Variants in SLC49A4 observed in about 807,000 individuals in gnomAD.
The protein encoded by SLC49A4 is solute carrier family 49 member 4.
A neutral mutation model predicts 50.6 loss-of-function variants in SLC49A4; 36 were observed. The observed-to-expected ratio is 0.71, with a 90% CI of 0.55 to 0.94. The LOEUF (loss-of-function observed/expected upper bound fraction) is 0.94, where lower values mean the gene tolerates loss of function less well. Among genes scored for constraint, SLC49A4 ranks in the 40% least tolerant of loss-of-function variants. The pLI is 0.00. For synonymous variants in SLC49A4, 248 were observed against 241.2 expected, an observed-to-expected ratio of 1.03 and a Z score of -0.26; for missense variants, 503 against 605.7, an observed-to-expected ratio of 0.83 and a Z score of 1.78.
intron 2 of SLC49A4, among the ~76,000 whole-genome samples, chr3:122,813,990 A>C (rs1345489338): frequency 6.6e-6 from 1 of 152,176 alleles, no homozygotes; most frequent in Admixed American, 6.5e-5. Context: ...GCATAAAAAC[A>C]ATGAAAGTGG....
chr3:122,849,150 G>A (rs1025875503), intron 5 of SLC49A4, among the ~76,000 whole-genome samples: 1 of 151,966 alleles, frequency 6.6e-6, no homozygotes, highest in Non-Finnish European at 1.5e-5. Flanking sequence ...ATTCTTTTTT[G>A]TGACTGAATA....
At chr3:122,829,733 C>CAAAA (rs1936584318) in intron 3 of SLC49A4, among the ~76,000 whole-genome samples, 1 of 152,048 alleles carries the variant, frequency 6.6e-6, no homozygotes, top group Admixed American at 6.5e-5. Flanking sequence ...GCCTGGGTGA[C>CAAAA]AAACAAACAA....
chr3:122,805,037 ATGG>A (rs1936194816), intron 1 of SLC49A4, among the ~76,000 whole-genome samples: 1 of 152,080 alleles, frequency 6.6e-6, no homozygotes, highest in African/African-American at 2.4e-5. Flanking sequence ...ATGTAAGCCT[ATGG>A]TCCCCAACCT....
rs147921390 is a variant in SLC49A4 at position 122,799,525 on chromosome 3, G to A, written c.343+3990G>A. ...GGTAGGAAATGAGGTCAGAGAGGTG[G>A]TGAGAGGCCAGGAGATACAGGGCCC... On this transcript the variant is annotated intron_variant, in intron 1 of 8. Coordinates refer to ENST00000261038, the MANE Select transcript of SLC49A4 (RefSeq NM_032839.3). Among the ~76,000 whole-genome samples, 809 of 152,330 alleles carry A rather than the reference G, an allele frequency of 5.3e-3. 9 individuals are homozygous for A. The highest frequency in any genetic ancestry group is 0.019 in the African/African-American group (773 of 41,564).
At chr3:122,867,567 T>C (rs527866527) in intron 7 of SLC49A4, among the ~76,000 whole-genome samples, 1 of 152,364 alleles carries the variant, frequency 6.6e-6, no homozygotes, top group African/African-American at 2.4e-5. Flanking sequence ...ATTATAAAGT[T>C]GTAATTGTTA....
chr3:122,841,990 T>C lies in SLC49A4; in HGVS notation c.834-3773T>C, dbSNP rs373173404. ...TGATTAGTGGCACACATTTGTAAGATGACAGTTTAAAATGATCGTTTTTTA... is the reference window on the plus strand; with the variant it reads ...TGATTAGTGGCACACATTTGTAAGACGACAGTTTAAAATGATCGTTTTTTA... On this transcript the variant is annotated intron_variant, in intron 4 of 8. Coordinates refer to ENST00000261038, the MANE Select transcript of SLC49A4 (RefSeq NM_032839.3). 7.2e-5 allele frequency among the ~76,000 whole-genome samples: 11 copies of C among 152,212 alleles called. No individual in the cohort carries two copies. The East Asian group carries it at 7.7e-4, about 11-fold the overall frequency.
At chr3:122,828,581 GC>G (rs1276732840) in intron 3 of SLC49A4, among the ~76,000 whole-genome samples, 1 of 152,174 alleles carries the variant, frequency 6.6e-6, no homozygotes, top group Non-Finnish European at 1.5e-5. Flanking sequence ...TTCTAAGCAG[GC>G]CTGAAGGGTT....
rs1451224843 is a variant in SLC49A4 at position 122,837,703 on chromosome 3, T to G, written c.833+4257T>G. Among the ~76,000 whole-genome samples the G allele has an allele frequency of 5.9e-5, 9 of 152,058 alleles. No homozygotes were observed. The East Asian group carries it at 1.4e-3, about 23-fold the overall frequency. ...AAGCAATGGCAACAAAAGCCAAAATTGACAAATGGGATCTAATTAAACTAA... is the reference window on the plus strand; with the variant it reads ...AAGCAATGGCAACAAAAGCCAAAATGGACAAATGGGATCTAATTAAACTAA... On this transcript the variant is annotated intron_variant, in intron 4 of 8. Transcript: ENST00000261038.
At chr3:122,827,527 C>T (rs1484829765) in intron 3 of SLC49A4, among the ~76,000 whole-genome samples, 2 of 152,184 alleles carry the variant, frequency 1.3e-5, no homozygotes, top group Non-Finnish European at 2.9e-5. Flanking sequence ...ATCCTCATTT[C>T]CTACTCTCTG....
intron 2 of SLC49A4, among the ~76,000 whole-genome samples, chr3:122,821,342 A>G (rs1010489678): frequency 6.6e-6 from 1 of 152,078 alleles, no homozygotes; most frequent in South Asian, 2.1e-4. Flanking sequence ...GGTAAGGAGG[A>G]AAAAAAGGGA....
intron 7 of SLC49A4, among the ~76,000 whole-genome samples, chr3:122,862,672 G>A (rs1937071456): frequency 6.6e-6 from 1 of 152,066 alleles, no homozygotes; most frequent in Admixed American, 6.6e-5. Flanking sequence ...TAGCATCTGT[G>A]GGATTTTACA....
intron 4 of SLC49A4, among the ~76,000 whole-genome samples, chr3:122,844,121 A>G (rs558295216): frequency 6.6e-6 from 1 of 152,346 alleles, no homozygotes; most frequent in African/African-American, 2.4e-5. Flanking sequence ...AAATAGTCTA[A>G]GCTTAATTTG....
At chr3:122,866,913 G>A (rs1329438537) in intron 7 of SLC49A4, among the ~76,000 whole-genome samples, 1 of 150,600 alleles carries the variant, frequency 6.6e-6, no homozygotes, top group Non-Finnish European at 1.5e-5. Context: ...TTTTTTTTTT[G>A]GAGAGAGAAA....
chr3:122,859,190 T>C (rs1290766347), intron 6 of SLC49A4, among the ~76,000 whole-genome samples: 1 of 152,076 alleles, frequency 6.6e-6, no homozygotes, highest in African/African-American at 2.4e-5. Flanking sequence ...ACCTGAGGGG[T>C]AAACAGGAGT....
At chr3:122,851,456 T>C (rs1936924120) in intron 5 of SLC49A4, among the ~76,000 whole-genome samples, 1 of 152,160 alleles carries the variant, frequency 6.6e-6, no homozygotes, top group South Asian at 2.1e-4. Context: ...AGTCATTTTC[T>C]TTTGGTTCTT....
rs1936540208 is a variant in SLC49A4, at chr3:122,827,016, G to C, written c.654G>C (p.Glu218Asp). 1 of 1,614,128 alleles carries C rather than the reference G, an allele frequency of 6.2e-7. No individual in the cohort carries two copies. The highest frequency in any genetic ancestry group is 1.1e-5 in the South Asian group (1 of 91,086). ...GGACATCACCTCTTCTTGCTGCAGA[G>C]AGCAGCAGGGCGCATATTAAAGATC... ...PNGTSPLLAAESSRAHIKDRI... is the reference protein window; with the variant it reads ...PNGTSPLLAADSSRAHIKDRI... The change falls in exon 3 of 9, where the codon GAG becomes GAC. Residue 218 changes from glutamate to aspartate, a missense_variant. Physicochemically the swap from Glu to Asp is conservative, Grantham distance 45. Transcript: ENST00000261038.
intron 2 of SLC49A4, among the ~76,000 whole-genome samples, chr3:122,809,401 C>A (rs762517119): frequency 7.9e-5 from 12 of 152,048 alleles, no homozygotes; most frequent in Non-Finnish European, 1.6e-4. Flanking sequence ...TTCATGTAAG[C>A]TTAAATTCAA....
At chr3:122,812,295 T>G (rs1936310415) in intron 2 of SLC49A4, among the ~76,000 whole-genome samples, 1 of 152,140 alleles carries the variant, frequency 6.6e-6, no homozygotes, top group Non-Finnish European at 1.5e-5. Context: ...TAAGTAAAAC[T>G]AAAATCACCA....
intron 1 of SLC49A4, among the ~76,000 whole-genome samples, chr3:122,799,829 C>T (rs756479466): frequency 1.2e-4 from 18 of 152,074 alleles, no homozygotes; most frequent in East Asian, 1.9e-4. Flanking sequence ...AGATGTGGAG[C>T]GTGAAGGAAG....
Sources: gnomAD v4.1 joint callset for allele counts (sites outside exome capture counted in the v4.1 genomes callset) on GRCh38, gnomAD v4.1.1 for gene constraint, MANE v1.5 for transcripts, NCBI Gene and HGNC (gene_info 2026-07-23, HGNC 2026-07-21) for gene names.